ITGA9: variants seen among roughly 807,000 people sequenced by gnomAD.
ITGA9 encodes the protein integrin subunit alpha 9.
A neutral mutation model predicts 127.8 loss-of-function variants in ITGA9; 56 were observed. That is an observed-to-expected ratio of 0.44 (90% CI 0.35 to 0.55). The LOEUF (loss-of-function observed/expected upper bound fraction) is 0.55. Among genes scored for constraint, ITGA9 ranks in the 20% least tolerant of loss-of-function variants. The pLI is 0.00. For synonymous variants in ITGA9, 508 were observed against 514.5 expected, an observed-to-expected ratio of 0.99 and a Z score of 0.17; for missense variants, 1,196 against 1,347.1, an observed-to-expected ratio of 0.89 and a Z score of 1.76.
intron 16 of ITGA9, among the ~76,000 whole-genome samples, chr3:37,647,088 G>A (rs949872594): frequency 2.0e-5 from 3 of 152,046 alleles, no homozygotes; most frequent in Admixed American, 1.3e-4. Context: ...TCCCCAGTGC[G>A]TGACTCAGGT....
intron 18 of ITGA9, among the ~76,000 whole-genome samples, chr3:37,726,997 G>C (rs7643931): frequency 0.75 from 114,621 of 152,154 alleles, 43,622 homozygotes; most frequent in African/African-American, 0.85. Context: ...CTCAGCCTAC[G>C]AAACATCATA....
At chr3:37,530,584 C>T (rs1233033517) in intron 13 of ITGA9, among the ~76,000 whole-genome samples, 2 of 152,104 alleles carry the variant, frequency 1.3e-5, no homozygotes, top group Non-Finnish European at 2.9e-5. Flanking sequence ...TTTATCTGTC[C>T]TTGCCTTGCA....
chr3:37,683,118 C>T (rs1319208836), intron 17 of ITGA9, among the ~76,000 whole-genome samples: 1 of 152,240 alleles, frequency 6.6e-6, no homozygotes, highest in Non-Finnish European at 1.5e-5. Context: ...CCAACTCCCT[C>T]AGTCCCTCTG....
intron 24 of ITGA9, among the ~76,000 whole-genome samples, chr3:37,778,268 A>T (rs541829043): frequency 2.6e-5 from 4 of 152,324 alleles, no homozygotes; most frequent in Admixed American, 2.0e-4. Context: ...TAGATGCTGG[A>T]AATGTCCTAC....
intron 23 of ITGA9, among the ~76,000 whole-genome samples, chr3:37,756,481 C>T (rs17036902): frequency 0.099 from 14,985 of 152,128 alleles, 1,912 homozygotes; most frequent in African/African-American, 0.29. Context: ...ACTAGAGTTG[C>T]GATCATTTAT....
chr3:37,705,641 G>A (rs530651785), intron 18 of ITGA9, among the ~76,000 whole-genome samples: 5 of 152,152 alleles, frequency 3.3e-5, no homozygotes, highest in Admixed American at 2.6e-4. Flanking sequence ...TGCTCTACCT[G>A]CTTTCTGTAT....
At chr3:37,720,338 C>G (rs1430760970) in intron 18 of ITGA9, among the ~76,000 whole-genome samples, 3 of 152,192 alleles carry the variant, frequency 2.0e-5, no homozygotes, top group Non-Finnish European at 2.9e-5. Context: ...AAACACCATT[C>G]ATGAGTTGTT....
intron 27 of ITGA9, among the ~76,000 whole-genome samples, chr3:37,810,658 C>T (rs1173804680): frequency 6.6e-6 from 1 of 152,064 alleles, no homozygotes; most frequent in Non-Finnish European, 1.5e-5. Context: ...TCAAGTGATC[C>T]ACCCACCTTG....
At chr3:37,714,681 G>A (rs996979404) in intron 18 of ITGA9, among the ~76,000 whole-genome samples, 1 of 152,206 alleles carries the variant, frequency 6.6e-6, no homozygotes, top group East Asian at 1.9e-4. Flanking sequence ...ACCAGCTGGG[G>A]CCTGGTCAGA....
chr3:37,705,030 G>A lies in ITGA9; in HGVS notation c.2067+21015G>A, dbSNP rs576570596. Reference sequence around the variant, plus strand: ...TTACTCTGATTTCAGAGGTCTAAAGGTGTTAGTTCCCCTCTTAGAAGTACC... The same window carrying A: ...TTACTCTGATTTCAGAGGTCTAAAGATGTTAGTTCCCCTCTTAGAAGTACC... On this transcript the variant is annotated intron_variant, in intron 18 of 27. Transcript: ENST00000264741. Among the ~76,000 whole-genome samples, 5 of 152,312 alleles carry A rather than the reference G, an allele frequency of 3.3e-5. No homozygotes were observed. The South Asian group carries it at 1.0e-3, about 32-fold the overall frequency.
At chr3:37,653,240 A>G (rs1700445721) in intron 16 of ITGA9, among the ~76,000 whole-genome samples, 1 of 152,202 alleles carries the variant, frequency 6.6e-6, no homozygotes, top group Non-Finnish European at 1.5e-5. Context: ...CTGACAATTC[A>G]ATACAGTCCC....
In ITGA9 at chr3:37,741,743, C is replaced by T. The variant is rs781472543; in HGVS notation, c.2248C>T (p.Arg750Cys). Residue 750 changes from arginine to cysteine, a missense_variant, in exon 21 of 28, where the codon CGC (arginine) becomes TGC (cysteine). Physicochemically the swap from Arg to Cys is radical, Grantham distance 180 (BLOSUM62 -3). Coordinates refer to ENST00000264741, the MANE Select transcript of ITGA9 (RefSeq NM_002207.3). The stretch of plus-strand genomic sequence containing the variant: ...CTCTCTGCACAGTGGCAACACGGAG[C>T]GCTCTGAATCCCTGCATGACAACAC... ...IVTAQSGNTE[R>C]SESLHDNTLV... is the part of the protein sequence containing the mutation. 13 of 1,613,444 alleles carry T rather than the reference C, an allele frequency of 8.1e-6. No individual in the cohort carries two copies. The highest frequency in any genetic ancestry group is 2.7e-5 in the African/African-American group (2 of 74,922).
intron 23 of ITGA9, among the ~76,000 whole-genome samples, chr3:37,773,665 T>G (rs1696870993): frequency 6.6e-6 from 1 of 152,110 alleles, no homozygotes; most frequent in African/African-American, 2.4e-5. Context: ...CAGTGGGAAT[T>G]GACTGGCAAG....
At chr3:37,473,283 A>T in intron 2 of ITGA9, 71 bp from the exon 3 acceptor site, 1 of 1,183,988 alleles carries the variant, frequency 8.4e-7, no homozygotes, top group African/African-American at 1.5e-5. Flanking sequence ...AGGGCTGTGG[A>T]CCACCCTTTG....
rs1698706692 is a variant in ITGA9 at position 37,494,496 on chromosome 3, C to T, written c.545-5C>T. 3 of 1,608,318 alleles carry T rather than the reference C, an allele frequency of 1.9e-6. No homozygotes were observed. The African/African-American group carries it at 4.0e-5, about 21-fold the overall frequency. The stretch of plus-strand genomic sequence containing the variant: ...GTTTGCTTCTCTCTCCTTCCTTCCC[C>T]CTAGAGTATAAGAAGAAGTACGGAG... On this transcript the variant is annotated splice_polypyrimidine_tract_variant and splice_region_variant and intron_variant, in intron 4 of 27. Transcript: ENST00000264741.
intron 18 of ITGA9, among the ~76,000 whole-genome samples, chr3:37,696,817 A>G (rs1700889636): frequency 6.6e-6 from 1 of 152,164 alleles, no homozygotes; most frequent in African/African-American, 2.4e-5. Flanking sequence ...TTGGAAGTGT[A>G]ATCATGTCAT....
chr3:37,588,372 T>C (rs1474127649), intron 15 of ITGA9, among the ~76,000 whole-genome samples: 1 of 143,060 alleles, frequency 7.0e-6, no homozygotes, highest in East Asian at 2.3e-4. Flanking sequence ...CAATGGGCCT[T>C]CTGTGCATGC....
chr3:37,782,831 G>C (rs993715252), intron 25 of ITGA9, among the ~76,000 whole-genome samples: 3 of 152,306 alleles, frequency 2.0e-5, no homozygotes, highest in South Asian at 4.1e-4. Flanking sequence ...TTGAAATGTA[G>C]GATCTGATTT....
At chr3:37,665,598 C>T (rs1373372433) in intron 17 of ITGA9, among the ~76,000 whole-genome samples, 1 of 151,494 alleles carries the variant, frequency 6.6e-6, no homozygotes, top group African/African-American at 2.4e-5. Flanking sequence ...GGATTATAGG[C>T]GCCCACCACC....
Sources: allele counts gnomAD v4.1 joint callset (sites outside exome capture counted in the v4.1 genomes callset), GRCh38; gene constraint gnomAD v4.1.1; transcripts MANE v1.5; gene names NCBI Gene and HGNC (gene_info 2026-07-23, HGNC 2026-07-21).